NEK9: variants seen among roughly 807,000 people sequenced by gnomAD.
NEK9 encodes the protein serine/threonine-protein kinase Nek9.
NEK9 carries 75 observed loss-of-function variants against 123.4 expected under a neutral mutation model. The ratio of observed to expected loss-of-function variants is 0.61; its 90% CI spans 0.50 to 0.74. NEK9 has a LOEUF of 0.74. Ranked by LOEUF, NEK9 falls within the 30% of genes least tolerant of loss-of-function variation. NEK9 has a pLI of 0.00. For synonymous variants in NEK9, 438 were observed against 458.7 expected (o/e 0.95, Z 0.58); for missense variants, 952 against 1,214.4 (o/e 0.78, Z 3.21).
chr14:75,095,082 G>A (rs973044279), intron 18 of NEK9, among the ~76,000 whole-genome samples: 2 of 152,092 alleles, frequency 1.3e-5, no homozygotes, highest in South Asian at 4.1e-4. Context: ...TTACCCCCTA[G>A]AATAGTAAGG....
chr14:75,114,362 C>T (rs775062861), intron 6 of NEK9, 49 bp from the exon 7 acceptor site: 2 of 1,380,186 alleles, frequency 1.4e-6, no homozygotes, highest in African/African-American at 1.4e-5. Flanking sequence ...AAAGATGATG[C>T]TATACTCTAC....
chr14:75,089,033 C>G (rs1894120608), intron 19 of NEK9, among the ~76,000 whole-genome samples: 1 of 152,182 alleles, frequency 6.6e-6, no homozygotes, highest in Non-Finnish European at 1.5e-5. Context: ...AAATCACTAG[C>G]AAGTTTAGTC....
In NEK9 at chr14:75,101,740, G is replaced by A. The variant is rs530438996; in HGVS notation, c.1757C>T (p.Thr586Met). The change falls in exon 15 of 22, where the codon ACG becomes ATG. Residue 586 changes from threonine (T) to methionine (M), a missense_variant. Around this residue, in one of 4 missense-constraint regions of NEK9, gnomAD observed 698 missense variants for 875.6 expected, o/e 0.80. Transcript: ENST00000238616. Reference sequence around the variant, plus strand: ...CAACTGTTTGGCCAAGGTAAAGGACGTTGTGTAGGGAACTTCATGGTATGC... The same window carrying A: ...CAACTGTTTGGCCAAGGTAAAGGACATTGTGTAGGGAACTTCATGGTATGC... ...HEAYHEVPYT[T>M]SFTLAKQLSF... The A allele has an allele frequency of 1.1e-4, 170 of 1,613,726 alleles. 1 individual carries two copies. The South Asian group carries it at 1.2e-3, about 12-fold the overall frequency.
rs1302686513 is a variant in NEK9 at position 75,094,656 on chromosome 14, T to C, written c.2233+716A>G. Reference sequence around the variant, plus strand: ...ATAGCTGAGTGTGGTGGTGCATGCCTGTAATCCCAGCTACTTGGGAGGCTG... The same window carrying C: ...ATAGCTGAGTGTGGTGGTGCATGCCCGTAATCCCAGCTACTTGGGAGGCTG... On this transcript the variant is annotated intron_variant, in intron 18 of 21. Coordinates refer to ENST00000238616, the MANE Select transcript of NEK9 (RefSeq NM_033116.6). 7.2e-5 allele frequency among the ~76,000 whole-genome samples: 11 copies of C among 152,198 alleles called. No homozygotes were observed. The East Asian group carries it at 1.9e-3, about 27-fold the overall frequency.
chr14:75,085,563 T>A (rs2139707598), intron 21 of NEK9, among the ~76,000 whole-genome samples: 1 of 152,342 alleles, frequency 6.6e-6, no homozygotes, highest in Non-Finnish European at 1.5e-5. Flanking sequence ...ATGTTTAATG[T>A]GAATCTAATC....
At position 75,118,943 on chromosome 14, in the gene NEK9, A is replaced by G. The variant is rs1401200311; in HGVS notation, c.525-8T>C. 1 of 1,369,738 alleles carries G rather than the reference A, an allele frequency of 7.3e-7. No homozygotes were observed. The highest frequency in any genetic ancestry group is 1.0e-6 in the Non-Finnish European group (1 of 961,932). The allele number at this position is 1,369,738 out of a possible 1,614,324, so 84.8% of individuals were successfully genotyped here. ...TTTAATGTCTTTATATCTCTGAAAAAAAAAGATGCTGCAAATTAAGTTCAC... is the reference window on the plus strand; with the variant it reads ...TTTAATGTCTTTATATCTCTGAAAAGAAAAGATGCTGCAAATTAAGTTCAC... On this transcript the variant is annotated splice_region_variant and splice_polypyrimidine_tract_variant and intron_variant, in intron 4 of 21. Transcript: ENST00000238616.
chr14:75,091,669 G>GT (rs1326119993), intron 18 of NEK9, 191 bp from the exon 19 acceptor site: 3 of 459,892 alleles, frequency 6.5e-6, no homozygotes, highest in African/African-American at 6.1e-5. Flanking sequence ...TTGTATAGTT[G>GT]TATTTGTATA....
At position 75,088,614 on chromosome 14, in the gene NEK9, T is replaced by C. The variant is rs1894104708; in HGVS notation, c.2470A>G (p.Met824Val). The change falls in exon 20 of 22, where the codon ATG becomes GTG. Residue 824 changes from methionine (M) to valine (V), a missense_variant. This residue lies in a region of NEK9 where 698 missense variants were observed against 875.6 expected (regional missense o/e 0.80). Coordinates refer to ENST00000238616, the MANE Select transcript of NEK9 (RefSeq NM_033116.6). The part of the protein sequence containing the change: ...KELENAEFIP[M>V]PDSPSPLSAA... ...CTGAGAGGAGATGGGCTGTCAGGCA[T>C]GGGGATAAATTCTGCATTTTCCAGC... 18 of 1,614,018 alleles carry C rather than the reference T, an allele frequency of 1.1e-5. No homozygotes were observed. Among genetic ancestry groups the C allele is most frequent in the Non-Finnish European group, 1.4e-5 (17 of 1,179,976 alleles).
At chr14:75,088,968 C>T (rs76144735) in intron 19 of NEK9, among the ~76,000 whole-genome samples, 1,624 of 152,338 alleles carry the variant, frequency 0.011, 27 homozygotes, top group African/African-American at 0.038. Flanking sequence ...CTGCTGAAAG[C>T]TGAGGCTAAA....
chr14:75,107,825 T>C (rs1031772948), intron 10 of NEK9, among the ~76,000 whole-genome samples: 39 of 152,326 alleles, frequency 2.6e-4, no homozygotes, highest in African/African-American at 7.9e-4. Flanking sequence ...AGTATACAGA[T>C]CCTGCCAACA....
Position 75,118,896 on chromosome 14 carries a change from G to A in NEK9, c.564C>T (p.Asn188=), listed in dbSNP as rs1253454891. The A allele has an allele frequency of 6.2e-6, 10 of 1,608,242 alleles. No homozygotes were observed. Among genetic ancestry groups the A allele is most frequent in the Non-Finnish European group, 8.5e-6 (10 of 1,175,174 alleles). ...KTLNIFLTKA[N]LIKLGDYGLA... is the part of the protein sequence containing the mutation. ...GGCCATAATCTCCAAGTTTTATCAG[G>A]TTTGCCTTGGTCAGAAAAATATTTA... The change falls in exon 5 of 22, where the codon AAC becomes AAT. Residue 188 remains asparagine (N), a synonymous_variant. Transcript: ENST00000238616.
At chr14:75,092,208 G>C (rs1040372262) in intron 18 of NEK9, among the ~76,000 whole-genome samples, 5 of 151,986 alleles carry the variant, frequency 3.3e-5, no homozygotes, top group Non-Finnish European at 7.4e-5. Context: ...TCGAACTCAG[G>C]TGATCCACCT....
intron 7 of NEK9, 76 bp downstream of exon 7, chr14:75,114,127 T>G: frequency 9.7e-7 from 1 of 1,028,416 alleles, no homozygotes; most frequent in South Asian, 1.3e-5. Context: ...GTATGGTTTA[T>G]AGCTATGCCA....
At position 75,087,104 on chromosome 14, in the gene NEK9, C is replaced by T. The variant is rs1235697508; in HGVS notation, c.2731G>A (p.Ala911Thr). 2 of 1,614,052 alleles carry T rather than the reference C, an allele frequency of 1.2e-6. No individual in the cohort carries two copies. Among genetic ancestry groups the T allele is most frequent in the East Asian group, 2.2e-5 (1 of 44,894 alleles). The part of the protein sequence containing the change: ...RLQGLVLKCL[A>T]EQQKLQQENL... ...TCTTGCTGTAGCTTCTGTTGTTCAG[C>T]CAGACACTTTAACACCAGACCCTGC... The change falls in exon 21 of 22, where the codon GCT becomes ACT. Residue 911 changes from alanine (A) to threonine (T), a missense_variant. Coordinates refer to ENST00000238616, the MANE Select transcript of NEK9 (RefSeq NM_033116.6).
rs1255686313 is a variant in NEK9, at chr14:75,101,063, C to T, written c.1931G>A (p.Gly644Glu). The change falls in exon 16 of 22, where the codon GGG becomes GAG. Residue 644 changes from glycine (G) to glutamate (E), a missense_variant. Gly to Glu is a moderately conservative substitution (Grantham distance 98). This residue lies in a region of NEK9 where 698 missense variants were observed against 875.6 expected (regional missense o/e 0.80). Transcript: ENST00000238616. The part of the protein sequence containing the change: ...YKKRLGINLL[G>E]GPLGGKQVIR... Reference sequence around the variant, plus strand: ...CACTTGCTTCCCACCAAGGGGTCCCCCCAACAGGTTGATTCCCAGACGCTT... The same window carrying T: ...CACTTGCTTCCCACCAAGGGGTCCCTCCAACAGGTTGATTCCCAGACGCTT... The T allele has an allele frequency of 1.2e-6, 2 of 1,614,124 alleles. No homozygotes were observed. The highest frequency in any genetic ancestry group is 1.7e-6 in the Non-Finnish European group (2 of 1,180,048).
chr14:75,115,105 G>A (rs573558130), intron 6 of NEK9, among the ~76,000 whole-genome samples: 10 of 30,774 alleles, frequency 3.2e-4, no homozygotes, highest in Non-Finnish European at 5.1e-4. Context: ...ATATGCACAC[G>A]TGTGTGCGTA....
chr14:75,122,257 T>C (rs1895363237), intron 2 of NEK9, among the ~76,000 whole-genome samples: 1 of 152,260 alleles, frequency 6.6e-6, no homozygotes, highest in Non-Finnish European at 1.5e-5. Context: ...GGGCTTCTGC[T>C]ACTTCGAAAA....
rs779814828 is a variant in NEK9, at chr14:75,080,561, TAGG to T, written c.*4000_*4002del. The T allele has an allele frequency of 5.3e-5, 8 of 152,014 alleles. No individual in the cohort carries two copies. Among genetic ancestry groups the T allele is most frequent in the Non-Finnish European group, 1.0e-4 (7 of 68,022 alleles). 9.4% of individuals were successfully genotyped at this position (152,014 alleles called of 1,614,324 possible). ...TTATAAAGTTCATAAGGTTACACCA[TAGG>T]AGAAATTTCACGGGGAAACTCCTCA... is the stretch of plus-strand genomic sequence containing the variant. On this transcript the variant is annotated 3_prime_UTR_variant, in exon 22 of 22. Transcript: ENST00000238616.
rs187289438 is a variant in NEK9 at position 75,098,250 on chromosome 14, A to G, written c.2003-980T>C. On this transcript the variant is annotated intron_variant, in intron 16 of 21. Transcript: ENST00000238616. Reference sequence around the variant, plus strand: ...GAGGTACAGATCTGGGCAGAAAATCAGAAGTTTGATTTTGAGTATACTAAG... The same window carrying G: ...GAGGTACAGATCTGGGCAGAAAATCGGAAGTTTGATTTTGAGTATACTAAG... Among the ~76,000 whole-genome samples, 3 of 152,290 alleles carry G rather than the reference A, an allele frequency of 2.0e-5. No homozygotes were observed. The East Asian group carries it at 5.8e-4, about 29-fold the overall frequency.
Sources: gnomAD v4.1 joint callset for allele counts (sites outside exome capture counted in the v4.1 genomes callset) on GRCh38, gnomAD v4.1.1 for gene constraint, gnomAD v4.1.1 regional missense constraint, MANE v1.5 for transcripts, NCBI Gene and HGNC (gene_info 2026-07-23, HGNC 2026-07-21) for gene names.